NAAA: variants seen among roughly 807,000 people sequenced by gnomAD.
NAAA encodes the protein N-acylethanolamine-hydrolyzing acid amidase.
Under a neutral mutation model 44.8 loss-of-function variants are expected in NAAA, and 39 were observed. That is an observed-to-expected ratio of 0.87 (90% confidence interval 0.67 to 1.14). NAAA has a LOEUF of 1.14. Ranked by LOEUF, NAAA falls within the 50% of genes most tolerant of loss-of-function variation. The probability of loss-of-function intolerance (pLI) is 0.00; values close to 1 mark genes in which losing one functional copy is unlikely to be tolerated. For synonymous variants in NAAA, 178 were observed against 191.3 expected (o/e 0.93, Z 0.58); for missense variants, 460 against 467.8 (o/e 0.98, Z 0.15).
chr4:75,940,849 G>A lies in NAAA; in HGVS notation c.101C>T (p.Pro34Leu). 1 of 1,586,586 alleles carries A rather than the reference G, an allele frequency of 6.3e-7. No individual in the cohort carries two copies. The highest frequency in any genetic ancestry group is 1.1e-5 in the South Asian group (1 of 89,164). ...CGAGTCCAGGCTCACGTTGAAGCGC[G>A]GCGCTGCTGGGGGCGAGGCGGCTGA... ...GLSAASPPAA[P>L]RFNVSLDSVP... Residue 34 changes from proline to leucine, a missense_variant, in exon 1 of 11, where the codon CCG becomes CTG. Physicochemically the swap from Pro to Leu is moderately conservative, Grantham distance 98. Transcript: ENST00000286733.
intron 5 of NAAA, among the ~76,000 whole-genome samples, chr4:75,921,957 A>G (rs1260712057): frequency 6.6e-6 from 1 of 152,144 alleles, no homozygotes; most frequent in Non-Finnish European, 1.5e-5. Context: ...GCTCCTTCCT[A>G]GAGCTGATCT....
rs1313298976 is a variant in NAAA, at chr4:75,916,776, TTC to T, written c.999-1793_999-1792del. On this transcript the variant is annotated intron_variant, in intron 9 of 10. Coordinates refer to ENST00000286733, the MANE Select transcript of NAAA (RefSeq NM_014435.4). ...AATTTTTAAAAGATATATTCATCAC[TTC>T]TTTTTTTTTTTTTTTTTTTTTTTTT... is the stretch of plus-strand genomic sequence containing the variant. 8.2e-5 allele frequency among the ~76,000 whole-genome samples: 10 copies of T among 121,474 alleles called. No homozygotes were observed. The East Asian group carries it at 2.3e-3, about 27-fold the overall frequency. 79.7% of individuals were successfully genotyped at this position (121,474 alleles called of 152,430 possible).
At chr4:75,930,561 A>G (rs1422513288) in intron 4 of NAAA, 69 of 491,686 alleles carry the variant, frequency 1.4e-4, no homozygotes, top group Non-Finnish European at 2.4e-5. Flanking sequence ...AGCATCATAT[A>G]TCCCCTAGAT....
intron 3 of NAAA, among the ~76,000 whole-genome samples, chr4:75,934,576 C>G (rs574759405): frequency 6.6e-6 from 1 of 152,002 alleles, no homozygotes; most frequent in East Asian, 1.9e-4. Flanking sequence ...ATTCGCCTGC[C>G]TCGGCCTCCC....
intron 2 of NAAA, 39 bp downstream of exon 2, chr4:75,939,962 C>T: frequency 1.2e-6 from 2 of 1,607,538 alleles, no homozygotes. Context: ...GGGGCCCCCG[C>T]AAGCCCCGCG....
rs1727060358 is a variant in NAAA, at chr4:75,929,732, T to C, written c.589+1482A>G. On this transcript the variant is annotated intron_variant, in intron 4 of 10. Transcript: ENST00000286733. ...CATTAGGATAAAGAACTGCTTACTG[T>C]GGACACTGATATATACTCAATCACC... 1.3e-5 allele frequency among the ~76,000 whole-genome samples: 2 copies of C among 152,202 alleles called. 1 individual carries two copies. Among genetic ancestry groups the C allele is most frequent in the Admixed American group, 1.3e-4 (2 of 15,282 alleles).
chr4:75,932,389 C>G (rs184591696), intron 3 of NAAA, among the ~76,000 whole-genome samples: 22 of 152,224 alleles, frequency 1.4e-4, no homozygotes, highest in Admixed American at 1.4e-3. Flanking sequence ...TTTAACAAAG[C>G]TCTTTCATTT....
Position 75,925,815 on chromosome 4 carries a change from C to G in NAAA, c.590-4G>C. On this transcript the variant is annotated splice_polypyrimidine_tract_variant and splice_region_variant and intron_variant, in intron 4 of 10. Coordinates refer to ENST00000286733, the MANE Select transcript of NAAA (RefSeq NM_014435.4). ...TTCTCCCACCACCAGCCTTTATCTG[C>G]CAAGTTGAGTATATATGTTATATAT... 1 of 1,613,892 alleles carries G rather than the reference C, an allele frequency of 6.2e-7. No homozygotes were observed. The highest frequency in any genetic ancestry group is 2.2e-5 in the East Asian group (1 of 44,882).
At chr4:75,912,687 T>A (rs1034139540), downstream of NAAA, among the ~76,000 whole-genome samples, 1 of 151,586 alleles carries the variant, frequency 6.6e-6, no homozygotes, top group African/African-American at 2.4e-5. Context: ...GACACAAGAA[T>A]CGCTTGAACC....
intron 2 of NAAA, among the ~76,000 whole-genome samples, chr4:75,937,610 T>A (rs756444485): frequency 6.6e-6 from 1 of 152,204 alleles, no homozygotes; most frequent in Non-Finnish European, 1.5e-5. Flanking sequence ...TTCAGCCTCC[T>A]GAGTATCTGG....
chr4:75,916,149 T>G (rs1725605566), intron 9 of NAAA, among the ~76,000 whole-genome samples: 1 of 152,254 alleles, frequency 6.6e-6, no homozygotes, highest in Non-Finnish European at 1.5e-5. Context: ...GGAGATGTAT[T>G]GCAGGTGGGT....
At chr4:75,915,830 T>C (rs1300342419) in intron 9 of NAAA, among the ~76,000 whole-genome samples, 2 of 152,164 alleles carry the variant, frequency 1.3e-5, no homozygotes, top group African/African-American at 2.4e-5. Flanking sequence ...ACACATTCCG[T>C]ATAACAAGAG....
At chr4:75,920,328 G>A (rs1726029571) in intron 7 of NAAA, among the ~76,000 whole-genome samples, 1 of 152,206 alleles carries the variant, frequency 6.6e-6, no homozygotes, top group Admixed American at 6.5e-5. Context: ...ACAACTTGAA[G>A]GGACAATAAA....
intron 3 of NAAA, among the ~76,000 whole-genome samples, chr4:75,934,114 G>A (rs564038429): frequency 5.3e-5 from 8 of 150,518 alleles, no homozygotes; most frequent in African/African-American, 1.7e-4. Context: ...GCCTAATTAA[G>A]GCTGTAAACA....
At chr4:75,914,763 A>T in intron 10 of NAAA, 105 bp downstream of exon 10, 1 of 678,574 alleles carries the variant, frequency 1.5e-6, no homozygotes. Context: ...GATGCTTGTC[A>T]GAAAATATTA....
At chr4:75,925,138 C>G (rs1726547474) in intron 5 of NAAA, among the ~76,000 whole-genome samples, 1 of 152,188 alleles carries the variant, frequency 6.6e-6, no homozygotes, top group African/African-American at 2.4e-5. Context: ...CGGGTTCACG[C>G]CATTCTCCTG....
At chr4:75,921,215 A>G (rs1560503973) in intron 5 of NAAA, 92 bp from the exon 6 acceptor site, 2 of 1,185,094 alleles carry the variant, frequency 1.7e-6, no homozygotes, top group Admixed American at 2.8e-5. Context: ...CATTCTCCTG[A>G]TATGTTATGT....
At position 75,920,969 on chromosome 4, in the gene NAAA, A is replaced by T; in HGVS notation, c.821T>A (p.Leu274Gln). Reference protein sequence around the residue: ...NRDGPADIWPLDPLNGAWFRV... With the variant: ...NRDGPADIWPQDPLNGAWFRV... ...TACTTACGCTCCATTCAAAGGATCT[A>T]GAGGCCAAATGTCTGCTGGGCCATC... The change falls in exon 6 of 11, where the codon CTA (leucine) becomes CAA (glutamine). Residue 274 changes from leucine (L) to glutamine (Q), a missense_variant. Coordinates refer to ENST00000286733, the MANE Select transcript of NAAA (RefSeq NM_014435.4). 1 of 1,613,574 alleles carries T rather than the reference A, an allele frequency of 6.2e-7. No homozygotes were observed. The highest frequency in any genetic ancestry group is 8.5e-7 in the Non-Finnish European group (1 of 1,179,894).
At chr4:75,927,640 C>CT (rs1235621461) in intron 4 of NAAA, among the ~76,000 whole-genome samples, 1 of 101,344 alleles carries the variant, frequency 9.9e-6, no homozygotes, top group Non-Finnish European at 2.0e-5. Flanking sequence ...AATGCCCCCC[C>CT]CCCCCCCGCC....
Sources: gnomAD v4.1 joint callset for allele counts (sites outside exome capture counted in the v4.1 genomes callset) on GRCh38, gnomAD v4.1.1 for gene constraint, MANE v1.5 for transcripts, NCBI Gene and HGNC (gene_info 2026-07-23, HGNC 2026-07-21) for gene names.